ZRANB3: variants seen among roughly 807,000 people sequenced by gnomAD.
ZRANB3 encodes the protein DNA annealing helicase and endonuclease ZRANB3.
A neutral mutation model predicts 133.8 loss-of-function variants in ZRANB3; 125 were observed. The ratio of observed to expected loss-of-function variants is 0.93; its 90% CI spans 0.81 to 1.08. ZRANB3 has a LOEUF of 1.08. Among genes scored for constraint, ZRANB3 ranks in the 50% least tolerant of loss-of-function variants. The probability of loss-of-function intolerance (pLI) is 0.00; values close to 1 mark genes in which losing one functional copy is unlikely to be tolerated. For missense variants in ZRANB3, 1,229 were observed against 1,275.5 expected (o/e 0.96, Z 0.56); for synonymous variants, 387 against 432.7 (o/e 0.89, Z 1.31).
intron 3 of ZRANB3, among the ~76,000 whole-genome samples, chr2:135,355,995 A>C (rs113739038): frequency 6.6e-6 from 1 of 152,128 alleles, no homozygotes. Context: ...CTGTCTATCT[A>C]TACATTTTGC....
At chr2:135,511,546 T>G in intron 1 of ZRANB3, 1 of 1,017,148 alleles carries the variant, frequency 9.8e-7, no homozygotes, top group Non-Finnish European at 1.6e-6. Context: ...CTCATCTTGC[T>G]ATCTGAAGAT....
At chr2:135,526,568 T>C (rs1447240283) in intron 1 of ZRANB3, among the ~76,000 whole-genome samples, 2 of 152,176 alleles carry the variant, frequency 1.3e-5, no homozygotes, top group Admixed American at 6.5e-5. Context: ...CTATATATTG[T>C]GATTTATTTT....
chr2:135,294,889 C>T (rs868647801), intron 8 of ZRANB3, among the ~76,000 whole-genome samples: 1 of 152,254 alleles, frequency 6.6e-6, no homozygotes, highest in East Asian at 1.9e-4. Context: ...TGTTCAGTTT[C>T]CACGTAGTTG....
intron 2 of ZRANB3, among the ~76,000 whole-genome samples, chr2:135,462,257 A>C (rs1690794576): frequency 6.6e-6 from 1 of 152,220 alleles, no homozygotes; most frequent in African/African-American, 2.4e-5. Context: ...TTTCTACTTC[A>C]GTTGATTGTA....
At chr2:135,319,562 T>A (rs949051163) in intron 6 of ZRANB3, among the ~76,000 whole-genome samples, 1 of 152,180 alleles carries the variant, frequency 6.6e-6, no homozygotes, top group Non-Finnish European at 1.5e-5. Context: ...CAAATTTCTG[T>A]CAAATATAAG....
At chr2:135,305,451 T>A (rs142755520) in intron 8 of ZRANB3, among the ~76,000 whole-genome samples, 1 of 152,378 alleles carries the variant, frequency 6.6e-6, no homozygotes, top group Non-Finnish European at 1.5e-5. Context: ...AAACAATCCA[T>A]TCAGCCAGTC....
chr2:135,326,048 G>A (rs930506773), intron 6 of ZRANB3, among the ~76,000 whole-genome samples: 11 of 152,126 alleles, frequency 7.2e-5, no homozygotes, highest in Non-Finnish European at 1.5e-5. Context: ...AGACTTCAGT[G>A]ACATCTATCA....
chr2:135,504,217 A>G, intron 2 of ZRANB3, 112 bp downstream of exon 2: 1 of 1,273,798 alleles, frequency 7.9e-7, no homozygotes. Context: ...GTCACAATCA[A>G]TTCTACTAAA....
Position 135,230,768 on chromosome 2 carries a change from A to G in ZRANB3, c.1699T>C (p.Tyr567His). Residue 567 changes from tyrosine (Y) to histidine (H), a missense_variant, in exon 13 of 21, where the codon TAT becomes CAT. By Grantham distance (83) the Tyr-to-His change is moderately conservative (BLOSUM62 2). Coordinates refer to ENST00000264159, the MANE Select transcript of ZRANB3 (RefSeq NM_032143.4). Reference sequence around the variant, plus strand: ...GTTTCAGGTTCAACATCACTTTCATAATCGATGATATCTCTTGCAGCTGTT... The same window carrying G: ...GTTTCAGGTTCAACATCACTTTCATGATCGATGATATCTCTTGCAGCTGTT... ...TKTAARDIID[Y>H]ESDVEPETKR... 1 of 1,613,808 alleles carries G rather than the reference A, an allele frequency of 6.2e-7. No individual in the cohort carries two copies. The highest frequency in any genetic ancestry group is 8.5e-7 in the Non-Finnish European group (1 of 1,179,862).
rs11335106 is a variant in ZRANB3 at position 135,454,429 on chromosome 2, A to AT, written c.161+49899dup. 1.1e-4 allele frequency among the ~76,000 whole-genome samples: 16 copies of AT among 151,730 alleles called. No individual in the cohort carries two copies. In the South Asian group the frequency reaches 2.7e-3, roughly 26 times the overall value. ...CACTCTCTCTCTTTTTAAATCTTTA[A>AT]TTTTTTTTTAATTTAATAATCTGAA... On this transcript the variant is annotated intron_variant, in intron 2 of 20. Coordinates refer to ENST00000264159, the MANE Select transcript of ZRANB3 (RefSeq NM_032143.4).
At position 135,417,445 on chromosome 2, in the gene ZRANB3, A is replaced by T. The variant is rs1335214867; in HGVS notation, c.162-26625T>A. Among the ~76,000 whole-genome samples the T allele has an allele frequency of 5.3e-5, 8 of 152,110 alleles. No homozygotes were observed. The East Asian group carries it at 1.5e-3, about 29-fold the overall frequency. ...CACACCAGTTAGAATGGCAATCATT[A>T]AAAAGTCAGGAAACAACAAGTGCTG... On this transcript the variant is annotated intron_variant, in intron 2 of 20. Transcript: ENST00000264159.
intron 2 of ZRANB3, among the ~76,000 whole-genome samples, chr2:135,454,505 G>T (rs776864734): frequency 6.6e-6 from 1 of 151,954 alleles, no homozygotes; most frequent in African/African-American, 2.4e-5. Context: ...ATTGCAGAGT[G>T]GTAAAGCCTG....
intron 8 of ZRANB3, among the ~76,000 whole-genome samples, chr2:135,300,791 G>GC (rs1400679874): frequency 1.3e-5 from 2 of 152,086 alleles, no homozygotes; most frequent in African/African-American, 4.8e-5. Flanking sequence ...TTATCAGTGA[G>GC]CATCCTAAGT....
At chr2:135,237,781 G>A (rs1695364157) in intron 12 of ZRANB3, among the ~76,000 whole-genome samples, 2 of 151,920 alleles carry the variant, frequency 1.3e-5, no homozygotes, top group African/African-American at 2.4e-5. Context: ...TCACACACTG[G>A]GGCCTGTTGT....
rs140013254 is a variant in ZRANB3, at chr2:135,234,308, C to T, written c.1540-3381G>A. Among the ~76,000 whole-genome samples the T allele has an allele frequency of 3.0e-3, 453 of 152,272 alleles. 2 individuals are homozygous for T. Among genetic ancestry groups the T allele is most frequent in the African/African-American group, 0.01 (429 of 41,538 alleles). On this transcript the variant is annotated intron_variant, in intron 12 of 20. Coordinates refer to ENST00000264159, the MANE Select transcript of ZRANB3 (RefSeq NM_032143.4). ...GATTCATAAAGCAAGTCCTTAGAGACCTACAAAGAGACTTAGTCTCCCACA... is the reference window on the plus strand; with the variant it reads ...GATTCATAAAGCAAGTCCTTAGAGATCTACAAAGAGACTTAGTCTCCCACA...
chr2:135,319,816 A>G (rs541303513), intron 6 of ZRANB3, among the ~76,000 whole-genome samples: 1 of 152,314 alleles, frequency 6.6e-6, no homozygotes, highest in East Asian at 1.9e-4. Context: ...CATACCGCTA[A>G]TATAATTTCT....
chr2:135,379,586 A>C (rs1019111716), intron 3 of ZRANB3, among the ~76,000 whole-genome samples: 3 of 152,146 alleles, frequency 2.0e-5, no homozygotes, highest in African/African-American at 7.2e-5. Flanking sequence ...GGAGAAATAA[A>C]ATCCTTTACA....
At chr2:135,232,853 G>A (rs1695098353) in intron 12 of ZRANB3, among the ~76,000 whole-genome samples, 1 of 152,198 alleles carries the variant, frequency 6.6e-6, no homozygotes, top group Non-Finnish European at 1.5e-5. Flanking sequence ...AAAAAACAGA[G>A]CAGAAAAACT....
chr2:135,474,418 A>G (rs1488450740), intron 2 of ZRANB3, among the ~76,000 whole-genome samples: 1 of 152,132 alleles, frequency 6.6e-6, no homozygotes, highest in Non-Finnish European at 1.5e-5. Context: ...TGGTGGAGGT[A>G]GGGTATCGTG....
Sources: allele counts gnomAD v4.1 joint callset (sites outside exome capture counted in the v4.1 genomes callset), GRCh38; gene constraint gnomAD v4.1.1; transcripts MANE v1.5; gene names NCBI Gene and HGNC (gene_info 2026-07-23, HGNC 2026-07-21).